DAB1: variants seen among roughly 807,000 people sequenced by gnomAD.
The protein encoded by DAB1 is disabled homolog 1.
A neutral mutation model predicts 64.6 loss-of-function variants in DAB1; 15 were observed. That is an observed-to-expected ratio of 0.23 (90% confidence interval 0.16 to 0.36). DAB1 has a LOEUF of 0.36. Among genes scored for constraint, DAB1 ranks in the 10% least tolerant of loss-of-function variants. The pLI, the probability that DAB1 is intolerant of heterozygous loss-of-function variation, is 1.00. For synonymous variants in DAB1, 235 were observed against 251.9 expected (o/e 0.93, Z 0.64); for missense variants, 596 against 706.7 (o/e 0.84, Z 1.78).
At chr1:58,031,943 T>C (rs540745519) in intron 5 of DAB1, among the ~76,000 whole-genome samples, 20 of 151,458 alleles carry the variant, frequency 1.3e-4, no homozygotes, top group African/African-American at 4.4e-4. Context: ...AAAAAAAAAA[T>C]CTTCCCTTTG....
At chr1:57,858,993 T>A (rs540401474) in intron 1 of DAB1, among the ~76,000 whole-genome samples, 34 of 152,154 alleles carry the variant, frequency 2.2e-4, no homozygotes, top group African/African-American at 8.2e-4. Context: ...CCTCTCCTCT[T>A]GCTAAGAACC....
intron 12 of DAB1, among the ~76,000 whole-genome samples, chr1:57,013,623 GT>G (rs916148091): frequency 4.0e-5 from 6 of 151,108 alleles, no homozygotes; most frequent in Non-Finnish European, 5.9e-5. Flanking sequence ...CATTAGGGGT[GT>G]TTTTTTTTGA....
intron 9 of DAB1, among the ~76,000 whole-genome samples, chr1:57,057,608 CTTTT>C (rs199984237): frequency 1.5e-5 from 2 of 136,582 alleles, no homozygotes; most frequent in African/African-American, 2.7e-5. Flanking sequence ...TACACTGATT[CTTTT>C]TTTTTTTTTT....
chr1:58,514,567 C>G (rs1019518876), intron 2 of DAB1, among the ~76,000 whole-genome samples: 7 of 152,162 alleles, frequency 4.6e-5, no homozygotes, highest in Non-Finnish European at 7.4e-5. Flanking sequence ...TTTAGGAAAC[C>G]ATTAACACCC....
chr1:57,737,336 C>T (rs986488368), intron 6 of DAB1, among the ~76,000 whole-genome samples: 10 of 152,304 alleles, frequency 6.6e-5, no homozygotes, highest in Admixed American at 2.6e-4. Context: ...TACTCACCAC[C>T]GGAATATCAT....
At chr1:58,459,653 C>T (rs933172775) in intron 3 of DAB1, among the ~76,000 whole-genome samples, 4 of 152,344 alleles carry the variant, frequency 2.6e-5, no homozygotes, top group African/African-American at 9.6e-5. Flanking sequence ...AAATAACATA[C>T]TATCATTAAT....
chr1:57,805,123 A>T (rs914154386), intron 6 of DAB1, among the ~76,000 whole-genome samples: 5 of 152,232 alleles, frequency 3.3e-5, no homozygotes, highest in Non-Finnish European at 5.9e-5. Context: ...CCTGGTTTGC[A>T]CATCCCCACT....
intron 3 of DAB1, among the ~76,000 whole-genome samples, chr1:58,431,693 G>A (rs917692612): frequency 6.6e-6 from 1 of 151,826 alleles, no homozygotes; most frequent in African/African-American, 2.4e-5. Context: ...CAAGTATTAA[G>A]TATCTATGCT....
intron 1 of DAB1, among the ~76,000 whole-genome samples, chr1:57,860,077 G>A (rs1441528914): frequency 6.6e-6 from 1 of 152,182 alleles, no homozygotes; most frequent in Non-Finnish European, 1.5e-5. Context: ...GAGAGGTTAA[G>A]AGACCTCCTT....
intron 1 of DAB1, among the ~76,000 whole-genome samples, chr1:57,309,516 A>G (rs116205469): frequency 0.016 from 2,370 of 152,310 alleles, 50 homozygotes; most frequent in African/African-American, 0.054. Context: ...TGTACATAAC[A>G]TAATTTACCA....
chr1:57,464,274 T>C (rs1203733248), intron 7 of DAB1, among the ~76,000 whole-genome samples: 1 of 152,156 alleles, frequency 6.6e-6, no homozygotes, highest in East Asian at 1.9e-4. Context: ...GGAATCTTTT[T>C]TATAGGATGG....
chr1:57,959,683 T>C (rs752008645), intron 5 of DAB1, among the ~76,000 whole-genome samples: 12 of 152,202 alleles, frequency 7.9e-5, no homozygotes, highest in Non-Finnish European at 7.3e-5. Context: ...ATATAAACAA[T>C]CCTGATGAGA....
intron 5 of DAB1, among the ~76,000 whole-genome samples, chr1:57,976,974 C>G (rs1645936218): frequency 1.3e-5 from 2 of 152,154 alleles, no homozygotes; most frequent in Non-Finnish European, 2.9e-5. Context: ...TCTCCTAACA[C>G]TCATGAAATC....
At position 57,782,973 on chromosome 1, in the gene DAB1, T is replaced by TCTTTCCTC. The variant is rs374421776; in HGVS notation, n.551+101025_551+101026insGAGGAAAG. Among the ~76,000 whole-genome samples the TCTTTCCTC allele has an allele frequency of 3.5e-5, 4 of 115,700 alleles. 1 individual carries two copies. Among genetic ancestry groups the TCTTTCCTC allele is most frequent in the African/African-American group, 1.4e-4 (4 of 28,708 alleles). 75.9% of individuals were successfully genotyped at this position (115,700 alleles called of 152,430 possible). A position where few individuals can be genotyped will look rare whatever the true frequency, so the allele number is the denominator to read the frequency against. On this transcript the variant is annotated intron_variant and non_coding_transcript_variant, in intron 6 of 20. Coordinates refer to the DAB1 transcript ENST00000485760. ...ATGGTTGAAAATAGTCCATTTTCTT[T>TCTTTCCTC]CCTCCCTCCCTCCCTCCCTCCCTCC...
chr1:57,450,483 C>A (rs1050570766), intron 7 of DAB1, among the ~76,000 whole-genome samples: 4 of 152,162 alleles, frequency 2.6e-5, no homozygotes, highest in Non-Finnish European at 4.4e-5. Context: ...CTGAATATGT[C>A]AACTAGCCTC....
At position 58,176,807 on chromosome 1, in the gene DAB1, G is replaced by A. The variant is rs183054607; in HGVS notation, n.310-26219C>T. On this transcript the variant is annotated intron_variant and non_coding_transcript_variant, in intron 4 of 20. Coordinates refer to the DAB1 transcript ENST00000485760. Reference sequence around the variant, plus strand: ...ATCCTCGCTAACACGGTGAAACACCGTCTCTACTAAAAACACAAAAAATTA... The same window carrying A: ...ATCCTCGCTAACACGGTGAAACACCATCTCTACTAAAAACACAAAAAATTA... Among the ~76,000 whole-genome samples, 578 of 152,108 alleles carry A rather than the reference G, an allele frequency of 3.8e-3. 4 individuals carry two copies. The highest frequency in any genetic ancestry group is 0.013 in the African/African-American group (541 of 41,488).
At chr1:58,175,165 T>C (rs570924393) in intron 4 of DAB1, among the ~76,000 whole-genome samples, 30 of 152,202 alleles carry the variant, frequency 2.0e-4, no homozygotes, top group Non-Finnish European at 4.3e-4. Flanking sequence ...GCTGTAACAC[T>C]CACCACGAGG....
chr1:57,482,455 C>T lies in DAB1; in HGVS notation n.625+167137G>A, dbSNP rs17115862. Among the ~76,000 whole-genome samples the T allele has an allele frequency of 7.0e-3, 1,013 of 144,790 alleles. 36 individuals carry two copies. In the East Asian group the frequency reaches 0.12, roughly 17 times the overall value. 95.0% of individuals were successfully genotyped at this position (144,790 alleles called of 152,430 possible). ...AAGAAACAGCTAAAAATAATTGACC[C>T]CAGTTTTACAGCTGAAAGTTGTAAA... is the stretch of plus-strand genomic sequence containing the variant. On this transcript the variant is annotated intron_variant and non_coding_transcript_variant, in intron 7 of 20. Coordinates refer to the DAB1 transcript ENST00000485760.
chr1:58,371,963 C>A (rs1370186229), intron 3 of DAB1, among the ~76,000 whole-genome samples: 1 of 152,220 alleles, frequency 6.6e-6, no homozygotes, highest in African/African-American at 2.4e-5. Flanking sequence ...GCAGAGCCCT[C>A]ATAGAGAACT....
Sources: allele counts gnomAD v4.1 joint callset (sites outside exome capture counted in the v4.1 genomes callset), GRCh38; gene constraint gnomAD v4.1.1; transcripts MANE v1.5; gene names NCBI Gene and HGNC (gene_info 2026-07-23, HGNC 2026-07-21).